LRMDA: variants seen among roughly 807,000 people sequenced by gnomAD.
LRMDA encodes the protein leucine rich melanocyte differentiation associated, also known as leucine-rich melanocyte differentiation-associated protein.
In LRMDA, 18 loss-of-function variants were observed where a neutral mutation model predicts 29.8. The ratio of observed to expected loss-of-function variants is 0.60; its 90% CI spans 0.42 to 0.90. The LOEUF (loss-of-function observed/expected upper bound fraction) is 0.90. Ranked by LOEUF, LRMDA falls within the 40% of genes least tolerant of loss-of-function variation. The pLI is 0.00. For synonymous variants in LRMDA, 125 were observed against 109.4 expected (o/e 1.14, Z -0.89); for missense variants, 273 against 273.9 (o/e 1.00, Z 0.02).
chr10:75,954,493 T>A (rs943404646), intron 2 of LRMDA, among the ~76,000 whole-genome samples: 3 of 152,156 alleles, frequency 2.0e-5, no homozygotes, highest in Admixed American at 1.3e-4. Context: ...GAAATGGGGG[T>A]GCATCTTTCC....
chr10:76,098,998 A>G (rs780981338), intron 5 of LRMDA, among the ~76,000 whole-genome samples: 66 of 152,204 alleles, frequency 4.3e-4, no homozygotes, highest in Non-Finnish European at 7.5e-4. Context: ...CATCAAGTGC[A>G]GGGTCTGCAA....
At position 76,032,962 on chromosome 10, in the gene LRMDA, C is replaced by A. The variant is rs149779834; in HGVS notation, c.132-3046C>A. Among the ~76,000 whole-genome samples the A allele has an allele frequency of 7.5e-3, 1,133 of 151,968 alleles. 7 individuals are homozygous for A. The highest frequency in any genetic ancestry group is 0.012 in the Non-Finnish European group (785 of 67,958). ...GACAAATTGTCATTTTATTTAACAG[C>A]ACATATTTGCAGGCACCTGGCATAT... On this transcript the variant is annotated intron_variant, in intron 2 of 6. Coordinates refer to ENST00000611255, the MANE Select transcript of LRMDA (RefSeq NM_001305581.2).
rs138676387 is a variant in LRMDA at position 76,205,121 on chromosome 10, C to T, written c.517-119280C>T. Among the ~76,000 whole-genome samples the T allele has an allele frequency of 4.5e-4, 69 of 152,212 alleles. 1 individual carries two copies. Among genetic ancestry groups the T allele is most frequent in the African/African-American group, 1.5e-3 (63 of 41,536 alleles). ...GTAGAGGATGCCTAGGTCCCAAGAG[C>T]GCACTTAAAAAAGAGAGGAAAAGCC... is the stretch of plus-strand genomic sequence containing the variant. On this transcript the variant is annotated intron_variant, in intron 5 of 6. Transcript: ENST00000611255.
intron 6 of LRMDA, among the ~76,000 whole-genome samples, chr10:76,457,164 G>A (rs570177554): frequency 6.5e-4 from 99 of 152,254 alleles, no homozygotes; most frequent in African/African-American, 2.3e-3. Context: ...TTAGGAGAGA[G>A]CATTCAGGGT....
intron 2 of LRMDA, among the ~76,000 whole-genome samples, chr10:75,719,322 A>G (rs1178687466): frequency 6.6e-6 from 1 of 152,206 alleles, no homozygotes; most frequent in African/African-American, 2.4e-5. Context: ...TAAAGAAGAG[A>G]AGCTTGAAGG....
chr10:75,814,952 A>C (rs1353522976), intron 2 of LRMDA, among the ~76,000 whole-genome samples: 1 of 152,236 alleles, frequency 6.6e-6, no homozygotes, highest in Non-Finnish European at 1.5e-5. Context: ...GTTTACAATA[A>C]TATCTTCCAA....
chr10:76,083,084 A>G (rs1849073538), intron 5 of LRMDA, among the ~76,000 whole-genome samples: 1 of 152,154 alleles, frequency 6.6e-6, no homozygotes, highest in African/African-American at 2.4e-5. Context: ...CTTTTGATAA[A>G]CTGACATCTG....
At chr10:76,346,037 A>T (rs1414480654) in intron 6 of LRMDA, among the ~76,000 whole-genome samples, 1 of 152,206 alleles carries the variant, frequency 6.6e-6, no homozygotes, top group Non-Finnish European at 1.5e-5. Flanking sequence ...GTGTTGGCAG[A>T]ACTTATTTAT....
In LRMDA at chr10:75,926,977, C is replaced by T. The variant is rs577538902; in HGVS notation, c.132-109031C>T. 2.6e-4 allele frequency among the ~76,000 whole-genome samples: 39 copies of T among 152,284 alleles called. No homozygotes were observed. The South Asian group carries it at 7.7e-3, about 30-fold the overall frequency. The stretch of plus-strand genomic sequence containing the variant: ...TTAGGAAGCCTCCCCTAGTGCTCCA[C>T]GCTGCCCTCTGGCTGCAGCAAACCT... On this transcript the variant is annotated intron_variant, in intron 2 of 6. Coordinates refer to ENST00000611255, the MANE Select transcript of LRMDA (RefSeq NM_001305581.2).
At chr10:75,976,940 A>G (rs16932750) in intron 2 of LRMDA, among the ~76,000 whole-genome samples, 1,533 of 152,284 alleles carry the variant, frequency 0.01, 22 homozygotes, top group African/African-American at 0.035. Flanking sequence ...GGGTAAACAC[A>G]ATCATGGATT....
chr10:75,481,892 C>G lies in LRMDA; in HGVS notation c.131+43398C>G, dbSNP rs145697880. ...TTTGCTTGGAAGTCTCTTACCCCCA[C>G]CTTTCCACCTGCTTCATTCCTACTT... is the stretch of plus-strand genomic sequence containing the variant. On this transcript the variant is annotated intron_variant, in intron 2 of 6. Coordinates refer to ENST00000611255, the MANE Select transcript of LRMDA (RefSeq NM_001305581.2). Among the ~76,000 whole-genome samples the G allele has an allele frequency of 2.6e-3, 394 of 152,284 alleles. 2 individuals carry two copies. The highest frequency in any genetic ancestry group is 0.01 in the Middle Eastern group (3 of 294).
chr10:76,171,310 T>G (rs1476992950), intron 5 of LRMDA, among the ~76,000 whole-genome samples: 1 of 152,186 alleles, frequency 6.6e-6, no homozygotes, highest in African/African-American at 2.4e-5. Flanking sequence ...TAATTTTTTT[T>G]GTATATTTAA....
intron 2 of LRMDA, among the ~76,000 whole-genome samples, chr10:75,471,092 C>T (rs1419157270): frequency 8.5e-5 from 13 of 152,208 alleles, no homozygotes; most frequent in Admixed American, 5.9e-4. Context: ...GGAATGATTA[C>T]AGTCACGTTC....
chr10:76,483,060 G>A (rs184617853), intron 6 of LRMDA, among the ~76,000 whole-genome samples: 1 of 151,932 alleles, frequency 6.6e-6, no homozygotes, highest in East Asian at 2.0e-4. Context: ...TTCAGTCTTT[G>A]TTCATTTTTT....
rs531460973 is a variant in LRMDA at position 75,921,652 on chromosome 10, G to A, written c.132-114356G>A. Among the ~76,000 whole-genome samples the A allele has an allele frequency of 3.3e-5, 5 of 152,324 alleles. No individual in the cohort carries two copies. The East Asian group carries it at 9.6e-4, about 29-fold the overall frequency. ...TGCATGTGGGCATATGTGCATGCAA[G>A]CTTATCTACATGGTTGTATAGACAT... On this transcript the variant is annotated intron_variant, in intron 2 of 6. Coordinates refer to ENST00000611255, the MANE Select transcript of LRMDA (RefSeq NM_001305581.2).
At chr10:75,455,673 C>T (rs1277271284) in intron 2 of LRMDA, among the ~76,000 whole-genome samples, 1 of 152,156 alleles carries the variant, frequency 6.6e-6, no homozygotes, top group African/African-American at 2.4e-5. Flanking sequence ...TGGGTTGGCT[C>T]CTAGACAGGG....
At chr10:75,545,705 A>C (rs1393587837) in intron 2 of LRMDA, among the ~76,000 whole-genome samples, 1 of 152,202 alleles carries the variant, frequency 6.6e-6, no homozygotes, top group Non-Finnish European at 1.5e-5. Context: ...GTAAGAGTCA[A>C]AGTTGGGACT....
intron 2 of LRMDA, among the ~76,000 whole-genome samples, chr10:75,457,359 A>C (rs867077072): frequency 3.9e-5 from 6 of 152,346 alleles, no homozygotes; most frequent in Admixed American, 2.0e-4. Flanking sequence ...GCTCATGAAA[A>C]GGGGACAACC....
At chr10:76,146,055 A>T (rs925413418) in intron 5 of LRMDA, among the ~76,000 whole-genome samples, 2 of 151,744 alleles carry the variant, frequency 1.3e-5, no homozygotes, top group Non-Finnish European at 2.9e-5. Context: ...GGTCTGAGAG[A>T]CAGTTTGTTA....
Sources: allele counts gnomAD v4.1 joint callset (sites outside exome capture counted in the v4.1 genomes callset), GRCh38; gene constraint gnomAD v4.1.1; transcripts MANE v1.5; gene names NCBI Gene and HGNC (gene_info 2026-07-23, HGNC 2026-07-21).